The following FZD4 variants were observed in gnomAD, a reference collection of about 807,000 sequenced individuals.
FZD4 encodes the protein frizzled class receptor 4.
A neutral mutation model predicts 37.3 loss-of-function variants in FZD4; 16 were observed. The observed-to-expected ratio is 0.43, with a 90% CI of 0.29 to 0.65. The LOEUF (loss-of-function observed/expected upper bound fraction) is 0.65, where lower values mean the gene tolerates loss of function less well. Among genes scored for constraint, FZD4 ranks in the 30% least tolerant of loss-of-function variants. The probability of loss-of-function intolerance (pLI) is 0.16; values close to 1 mark genes in which losing one functional copy is unlikely to be tolerated. For synonymous variants in FZD4, 246 were observed against 254.8 expected, an observed-to-expected ratio of 0.97 and a Z score of 0.33; for missense variants, 599 against 674.3, an observed-to-expected ratio of 0.89 and a Z score of 1.24.
chr11:86,954,176 A>T, intron 1 of FZD4: 1 of 921,774 alleles, frequency 1.1e-6, no homozygotes, highest in Non-Finnish European at 1.3e-6. Flanking sequence ...TTTTTTAATG[A>T]CTGCAAAAAA....
Position 86,951,784 on chromosome 11 carries a change from T to C in FZD4, c.972A>G (p.Thr324=). ...MASSIWWVIL[T]LTWFLAAGLK... ...GTCCTGCTGCCAAAAACCAAGTGAG[T>C]GTCAGAATAACCCACCAAATGGAGC... The change falls in exon 2 of 2, where the codon ACA becomes ACG. Residue 324 remains threonine (T), a synonymous_variant. Coordinates refer to ENST00000531380, the MANE Select transcript of FZD4 (RefSeq NM_012193.4). 6.2e-7 allele frequency: 1 copy of C among 1,614,020 alleles called. No individual in the cohort carries two copies. The highest frequency in any genetic ancestry group is 8.5e-7 in the Non-Finnish European group (1 of 1,179,992).
rs1565397566 is a variant in FZD4, at chr11:86,952,362, G to C, written c.394C>G (p.Leu132Val). 1 of 1,614,188 alleles carries C rather than the reference G, an allele frequency of 6.2e-7. No individual in the cohort carries two copies. The highest frequency in any genetic ancestry group is 8.5e-7 in the Non-Finnish European group (1 of 1,180,040). Residue 132 changes from leucine (L) to valine (V), a missense_variant, in exon 2 of 2, where the codon CTG becomes GTG. Leu to Val is a conservative substitution (Grantham distance 32). This residue lies in a region of FZD4 where 357 missense variants were observed against 396.1 expected (regional missense o/e 0.90). Transcript: ENST00000531380. ...GGCCAGGCAAATCCAAATTCCTTCA[G>C]GACGGGTTCACAGCGTCTCTTGACT... ...LSVKRRCEPV[L>V]KEFGFAWPES...
rs1949261736 is a variant in FZD4, at chr11:86,948,374, C to T, written c.*2768G>A. On this transcript the variant is annotated 3_prime_UTR_variant, in exon 2 of 2. Transcript: ENST00000531380. ...TTTCAGGGCTTTACTACAGTCGGCACTCAATAAATAAAATAACTGATTTTT... is the reference window on the plus strand; with the variant it reads ...TTTCAGGGCTTTACTACAGTCGGCATTCAATAAATAAAATAACTGATTTTT... The T allele has an allele frequency of 6.6e-6, 1 of 151,866 alleles. No homozygotes were observed. Among genetic ancestry groups the T allele is most frequent in the African/African-American group, 2.4e-5 (1 of 41,338 alleles). 9.4% of individuals were successfully genotyped at this position (151,866 alleles called of 1,614,324 possible). A position where few individuals can be genotyped will look rare whatever the true frequency, so the allele number is the denominator to read the frequency against.
intron 1 of FZD4, among the ~76,000 whole-genome samples, chr11:86,953,893 G>A (rs1949315387): frequency 6.6e-6 from 1 of 152,160 alleles, no homozygotes; most frequent in Non-Finnish European, 1.5e-5. Flanking sequence ...GGGATTACAG[G>A]CGTGAGCCAC....
Position 86,951,301 on chromosome 11 carries a change from C to A in FZD4, c.1455G>T (p.Leu485Phe), listed in dbSNP as rs563169065. Residue 485 changes from leucine to phenylalanine, a missense_variant, in exon 2 of 2, where the codon TTG (leucine) becomes TTT (phenylalanine). Physicochemically the swap from Leu to Phe is conservative, Grantham distance 22 (BLOSUM62 0). Transcript: ENST00000531380. Reference protein sequence around the residue: ...AVEMLKIFMSLLVGITSGMWI... With the variant: ...AVEMLKIFMSFLVGITSGMWI... ...ACATGCCTGAAGTGATGCCCACCAA[C>A]AAAGACATAAAAATTTTCAACATTT... 2.5e-6 allele frequency: 4 copies of A among 1,614,156 alleles called. No homozygotes were observed. The South Asian group carries it at 4.4e-5, about 18-fold the overall frequency.
chr11:86,954,283 C>A (rs1949318091), intron 1 of FZD4: 1 of 984,988 alleles, frequency 1.0e-6, no homozygotes, highest in African/African-American at 1.7e-5. Flanking sequence ...GAACTCAAGC[C>A]AACCCAACCA....
chr11:86,951,548 G>A lies in FZD4; in HGVS notation c.1208C>T (p.Thr403Ile). The change falls in exon 2 of 2, where the codon ACT (threonine) becomes ATT (isoleucine). Residue 403 changes from threonine (T) to isoleucine (I), a missense_variant. Thr to Ile is a moderately conservative substitution (Grantham distance 89, BLOSUM62 -1). Around this residue, in one of 3 missense-constraint regions of FZD4, gnomAD observed 203 missense variants for 196.8 expected, o/e 1.03. Transcript: ENST00000531380. Reference protein sequence around the residue: ...APLFTYLVIGTLFIAAGLVAL... With the variant: ...APLFTYLVIGILFIAAGLVAL... ...CACCAAACCTGCAGCAATGAACAAA[G>A]TTCCAATGACCAAATAAGTAAAGAG... is the stretch of plus-strand genomic sequence containing the variant. 1 of 1,614,130 alleles carries A rather than the reference G, an allele frequency of 6.2e-7. No homozygotes were observed. The highest frequency in any genetic ancestry group is 1.7e-5 in the Admixed American group (1 of 60,014).
chr11:86,953,744 G>C (rs951538732), intron 1 of FZD4, among the ~76,000 whole-genome samples: 9 of 152,138 alleles, frequency 5.9e-5, no homozygotes, highest in Admixed American at 3.3e-4. Context: ...AGCCTCCTGA[G>C]TAGCTGGGAT....
intron 1 of FZD4, among the ~76,000 whole-genome samples, chr11:86,953,607 GATTTC>G (rs1289257627): frequency 6.6e-6 from 1 of 151,864 alleles, no homozygotes; most frequent in Non-Finnish European, 1.5e-5. Flanking sequence ...CAGAACCACA[GATTTC>G]TTTTCTTTTC....
chr11:86,954,065 C>A (rs1170421863), intron 1 of FZD4: 2 of 189,358 alleles, frequency 1.1e-5, no homozygotes, highest in South Asian at 3.6e-4. Context: ...CTTTTATTAT[C>A]CCAATAAATT....
At position 86,951,039 on chromosome 11, in the gene FZD4, T is replaced by G; in HGVS notation, c.*103A>C. 1.6e-6 allele frequency: 2 copies of G among 1,257,744 alleles called. 1 individual carries two copies. Among genetic ancestry groups the G allele is most frequent in the Non-Finnish European group, 2.3e-6 (2 of 858,564 alleles). The allele number at this position is 1,257,744 out of a possible 1,614,324, so 77.9% of individuals were successfully genotyped here. A position where few individuals can be genotyped will look rare whatever the true frequency, so the allele number is the denominator to read the frequency against. ...CGGGGGTCACTTAATTGTTGCTAGT[T>G]TGTTCAAACTGAGATTCACTGCATA... On this transcript the variant is annotated 3_prime_UTR_variant, in exon 2 of 2. Transcript: ENST00000531380.
At chr11:86,953,872 C>T (rs554642499) in intron 1 of FZD4, among the ~76,000 whole-genome samples, 1 of 152,138 alleles carries the variant, frequency 6.6e-6, no homozygotes, top group Non-Finnish European at 1.5e-5. Context: ...GCCTCGGCCT[C>T]CCAAAGTGCT....
intron 1 of FZD4, chr11:86,954,507 T>C (rs1949319472): frequency 1.0e-6 from 1 of 985,060 alleles, no homozygotes; most frequent in African/African-American, 1.7e-5. Flanking sequence ...CCAGAATCCT[T>C]GGCAGAGATA....
rs1949238127 is a variant in FZD4, at chr11:86,945,849, G to A, written c.*5293C>T. ...AAATTTAGCAATTCATTCAGGGCAT[G>A]TGTAGCAGGAAGTTTGCCTGGTACC... is the stretch of plus-strand genomic sequence containing the variant. On this transcript the variant is annotated 3_prime_UTR_variant, in exon 2 of 2. Coordinates refer to ENST00000531380, the MANE Select transcript of FZD4 (RefSeq NM_012193.4). The A allele has an allele frequency of 6.6e-6, 1 of 152,532 alleles. No homozygotes were observed. The highest frequency in any genetic ancestry group is 2.4e-5 in the African/African-American group (1 of 41,384). The allele number at this position is 152,532 out of a possible 1,614,324, so 9.4% of individuals were successfully genotyped here.
At chr11:86,954,555 C>CA in intron 1 of FZD4, 1 of 985,234 alleles carries the variant, frequency 1.0e-6, no homozygotes, top group Non-Finnish European at 1.2e-6. Flanking sequence ...CTGGGCCAGA[C>CA]ATGGGTGGGC....
rs1307533663 is a variant in FZD4, at chr11:86,946,865, G to A, written c.*4277C>T. Reference sequence around the variant, plus strand: ...TTGACTGGAATAGCAACTCTCTCCAGTGTCCTCCATCACAGAACAAAATAC... The same window carrying A: ...TTGACTGGAATAGCAACTCTCTCCAATGTCCTCCATCACAGAACAAAATAC... On this transcript the variant is annotated 3_prime_UTR_variant, in exon 2 of 2. Coordinates refer to ENST00000531380, the MANE Select transcript of FZD4 (RefSeq NM_012193.4). The A allele has an allele frequency of 6.6e-6, 1 of 152,236 alleles. No individual in the cohort carries two copies. The highest frequency in any genetic ancestry group is 1.5e-5 in the Non-Finnish European group (1 of 68,068). The allele number at this position is 152,236 out of a possible 1,614,324, so 9.4% of individuals were successfully genotyped here.
Position 86,951,332 on chromosome 11 carries a change from G to C in FZD4, c.1424C>G (p.Ala475Gly). Reference protein sequence around the residue: ...FRYSADDSNMAVEMLKIFMSL... With the variant: ...FRYSADDSNMGVEMLKIFMSL... ...CATAAAAATTTTCAACATTTCAACA[G>C]CCATGTTGGAATCATCTGCAGAATA... is the stretch of plus-strand genomic sequence containing the variant. The change falls in exon 2 of 2, where the codon GCT becomes GGT. Residue 475 changes from alanine to glycine, a missense_variant. By Grantham distance (60) the Ala-to-Gly change is moderately conservative. Coordinates refer to ENST00000531380, the MANE Select transcript of FZD4 (RefSeq NM_012193.4). The C allele has an allele frequency of 6.2e-7, 1 of 1,613,014 alleles. No individual in the cohort carries two copies. The highest frequency in any genetic ancestry group is 8.5e-7 in the Non-Finnish European group (1 of 1,178,990).
chr11:86,953,480 G>C (rs1228222546), intron 1 of FZD4, among the ~76,000 whole-genome samples: 2 of 152,110 alleles, frequency 1.3e-5, no homozygotes, highest in East Asian at 1.9e-4. Flanking sequence ...AGCAGCAACA[G>C]GTCTAATCCC....
chr11:86,952,222 C>A lies in FZD4; in HGVS notation c.534G>T (p.Gly178=). ...TGGTTCCCACAGAGTGACACTCTTC[C>A]CCAGGCTGGATGGGGGTTTTGTGAG... ...PLPHKTPIQP[G]EECHSVGTNS... The change falls in exon 2 of 2, where the codon GGG becomes GGT. Residue 178 remains glycine, a synonymous_variant. Coordinates refer to ENST00000531380, the MANE Select transcript of FZD4 (RefSeq NM_012193.4). 6.2e-7 allele frequency: 1 copy of A among 1,614,114 alleles called. No individual in the cohort carries two copies. Among genetic ancestry groups the A allele is most frequent in the Non-Finnish European group, 8.5e-7 (1 of 1,179,962 alleles).
Sources: gnomAD v4.1 joint callset for allele counts (sites outside exome capture counted in the v4.1 genomes callset) on GRCh38, gnomAD v4.1.1 for gene constraint, gnomAD v4.1.1 regional missense constraint, MANE v1.5 for transcripts, NCBI Gene and HGNC (gene_info 2026-07-23, HGNC 2026-07-21) for gene names.